Variants in ANK3 observed in about 807,000 individuals in gnomAD.
The protein encoded by ANK3 is ankyrin-3.
Under a neutral mutation model 370.9 loss-of-function variants are expected in ANK3, and 57 were observed. The ratio of observed to expected loss-of-function variants is 0.15; its 90% CI spans 0.12 to 0.19. The LOEUF is 0.19. Ranked by LOEUF, ANK3 falls within the 10% of genes least tolerant of loss-of-function variation. The probability of loss-of-function intolerance (pLI) is 1.00; values close to 1 mark genes in which losing one functional copy is unlikely to be tolerated. For synonymous variants in ANK3, 1,929 were observed against 1,946.3 expected (o/e 0.99, Z 0.23); for missense variants, 4,439 against 5,302.1 (o/e 0.84, Z 5.06).
At chr10:60,178,068 C>T (rs142691995) in intron 18 of ANK3, among the ~76,000 whole-genome samples, 2 of 152,170 alleles carry the variant, frequency 1.3e-5, no homozygotes, top group African/African-American at 2.4e-5. Context: ...GATTGTTGAT[C>T]TTATCACGTT....
chr10:60,301,184 A>C (rs2043647922), intron 1 of ANK3, among the ~76,000 whole-genome samples: 1 of 147,196 alleles, frequency 6.8e-6, no homozygotes, highest in Non-Finnish European at 1.5e-5. Context: ...ACTATATATA[A>C]TCTATGTGTG....
Position 60,695,432 on chromosome 10 carries a change from A to G in ANK3, c.57+37831T>C, listed in dbSNP as rs530701085. Among the ~76,000 whole-genome samples, 853 of 152,240 alleles carry G rather than the reference A, an allele frequency of 5.6e-3. 10 individuals carry two copies. Among genetic ancestry groups the G allele is most frequent in the African/African-American group, 0.019 (797 of 41,544 alleles). Reference sequence around the variant, plus strand: ...GACTTCTACAGAACTCTCCACCCCAAATCAACAGAATATACATTTTTTTCA... The same window carrying G: ...GACTTCTACAGAACTCTCCACCCCAGATCAACAGAATATACATTTTTTTCA... On this transcript the variant is annotated intron_variant, in intron 1 of 43. Transcript: ENST00000373827.
At chr10:60,598,781 T>C (rs144345518) in intron 2 of ANK3, among the ~76,000 whole-genome samples, 2 of 152,314 alleles carry the variant, frequency 1.3e-5, no homozygotes, top group South Asian at 2.1e-4. Flanking sequence ...AAGCAATTCA[T>C]AGTGAACATT....
chr10:60,345,291 A>G (rs935986479), intron 1 of ANK3, among the ~76,000 whole-genome samples: 1 of 151,998 alleles, frequency 6.6e-6, no homozygotes, highest in African/African-American at 2.4e-5. Flanking sequence ...GGTTTTTCCC[A>G]TTTCGTGCAT....
rs143292864 is a variant in ANK3 at position 60,295,711 on chromosome 10, G to T, written c.115-16072C>A. The stretch of plus-strand genomic sequence containing the variant: ...ACCCCAAAGAGCTTTTGATTATGAG[G>T]ATTATAACTATTGTTATTTACCACA... On this transcript the variant is annotated intron_variant, in intron 1 of 43. Coordinates refer to ENST00000280772, the MANE Select transcript of ANK3 (RefSeq NM_020987.5). Among the ~76,000 whole-genome samples the T allele has an allele frequency of 1.3e-3, 192 of 151,948 alleles. 1 individual carries two copies. The highest frequency in any genetic ancestry group is 4.5e-3 in the African/African-American group (185 of 41,426).
At chr10:60,404,242 T>C (rs1398924403) in intron 2 of ANK3, among the ~76,000 whole-genome samples, 5 of 151,836 alleles carry the variant, frequency 3.3e-5, no homozygotes, top group African/African-American at 1.2e-4. Flanking sequence ...GACAAACTTA[T>C]TATAAAATTT....
At chr10:60,082,076 T>G in intron 35 of ANK3, 74 bp downstream of exon 35, 1 of 1,223,642 alleles carries the variant, frequency 8.2e-7, no homozygotes, top group Non-Finnish European at 1.2e-6. Context: ...ACTTTAGCCC[T>G]CTGCAACTTC....
chr10:60,471,293 T>C (rs1406748501), intron 2 of ANK3, among the ~76,000 whole-genome samples: 3 of 152,164 alleles, frequency 2.0e-5, no homozygotes, highest in Non-Finnish European at 4.4e-5. Flanking sequence ...CAAAAACGTA[T>C]ATACACAGAT....
chr10:60,091,209 T>C (rs757246825), intron 28 of ANK3, among the ~76,000 whole-genome samples: 10 of 152,230 alleles, frequency 6.6e-5, no homozygotes, highest in Admixed American at 2.0e-4. Context: ...CCCGGCAGCA[T>C]TGCTTATAAA....
intron 14 of ANK3, among the ~76,000 whole-genome samples, chr10:60,197,613 C>T (rs1352685821): frequency 6.6e-6 from 1 of 152,212 alleles, no homozygotes; most frequent in Non-Finnish European, 1.5e-5. Context: ...CATCATTTAT[C>T]CCGATAGTTT....
intron 1 of ANK3, among the ~76,000 whole-genome samples, chr10:60,705,824 CTT>C (rs11294932): frequency 0.022 from 2,058 of 94,528 alleles, 35 homozygotes; most frequent in African/African-American, 0.065. Flanking sequence ...TTTTTTCTTT[CTT>C]TTTTTTTTTT....
chr10:60,166,654 C>T lies in ANK3; in HGVS notation c.2552-1G>A, dbSNP rs374151283. 1.2e-6 allele frequency: 2 copies of T among 1,613,396 alleles called. No homozygotes were observed. The highest frequency in any genetic ancestry group is 2.7e-5 in the African/African-American group (2 of 74,874). ...ATTTCAGGGGCATTGGCTTTACGAA[C>T]TGCATGATTGAAGTGAACAATATAA... On this transcript the variant is annotated splice_acceptor_variant, in intron 22 of 43. Coordinates refer to ENST00000280772, the MANE Select transcript of ANK3 (RefSeq NM_020987.5). LOFTEE classifies it high-confidence loss of function.
At chr10:60,039,202 T>A (rs1311491040) in intron 43 of ANK3, among the ~76,000 whole-genome samples, 1 of 152,236 alleles carries the variant, frequency 6.6e-6, no homozygotes, top group Non-Finnish European at 1.5e-5. Context: ...ATGGGTTAAC[T>A]TTTTGGCCTC....
intron 2 of ANK3, among the ~76,000 whole-genome samples, chr10:60,439,658 G>T (rs140199350): frequency 6.6e-6 from 1 of 152,274 alleles, no homozygotes; most frequent in African/African-American, 2.4e-5. Context: ...GAGGATACAC[G>T]CAAACACTAG....
intron 2 of ANK3, among the ~76,000 whole-genome samples, chr10:60,488,770 A>G (rs2075415108): frequency 6.6e-6 from 1 of 152,178 alleles, no homozygotes; most frequent in South Asian, 2.1e-4. Context: ...TTTCTTTGCC[A>G]AAAAATGCAT....
chr10:60,137,380 A>AAAAAAC (rs749522576), intron 24 of ANK3: 20 of 368,256 alleles, frequency 5.4e-5, no homozygotes, highest in Admixed American at 3.8e-5. Flanking sequence ...TTAGGAAAAA[A>AAAAAAC]AAAAAAAAAA....
At chr10:60,423,494 C>G (rs910885173) in intron 2 of ANK3, among the ~76,000 whole-genome samples, 1 of 151,566 alleles carries the variant, frequency 6.6e-6, no homozygotes, top group Non-Finnish European at 1.5e-5. Flanking sequence ...TAACAATATA[C>G]TAGCTCAGAA....
intron 2 of ANK3, among the ~76,000 whole-genome samples, chr10:60,468,900 C>T (rs1200502323): frequency 2.7e-5 from 4 of 147,010 alleles, no homozygotes; most frequent in African/African-American, 7.5e-5. Flanking sequence ...CGGTCATATA[C>T]AAAGTGGTGT....
At chr10:60,624,291 T>C (rs1257525352) in intron 1 of ANK3, among the ~76,000 whole-genome samples, 1 of 152,186 alleles carries the variant, frequency 6.6e-6, no homozygotes. Flanking sequence ...ATATATTTAA[T>C]ACAGTCGATA....
Sources: allele counts gnomAD v4.1 joint callset (sites outside exome capture counted in the v4.1 genomes callset), GRCh38; gene constraint gnomAD v4.1.1; transcripts MANE v1.5; gene names NCBI Gene and HGNC (gene_info 2026-07-23, HGNC 2026-07-21).